Variants in EYS observed in about 807,000 individuals in gnomAD.
EYS encodes EGF-like photoreceptor maintenance factor, also known as protein eyes shut homolog.
Under a neutral mutation model 282.1 loss-of-function variants are expected in EYS, and 250 were observed. The observed-to-expected ratio is 0.89, with a 90% CI of 0.80 to 0.98. EYS has a LOEUF of 0.98. EYS is among the 50% of genes least tolerant of loss of function. EYS has a pLI of 0.00. For missense variants in EYS, 4,016 were observed against 3,709.0 expected (o/e 1.08, Z -2.15); for synonymous variants, 1,355 against 1,282.9 (o/e 1.06, Z -1.20).
At chr6:65,455,390 T>A (rs987742889) in intron 5 of EYS, among the ~76,000 whole-genome samples, 1 of 152,272 alleles carries the variant, frequency 6.6e-6, no homozygotes, top group East Asian at 1.9e-4. Flanking sequence ...CCAACAGTTT[T>A]TCTTGATAGA....
intron 24 of EYS, among the ~76,000 whole-genome samples, chr6:64,616,788 G>A (rs1767287329): frequency 6.6e-6 from 1 of 152,046 alleles, no homozygotes; most frequent in South Asian, 2.1e-4. Flanking sequence ...TTTCAGTGAA[G>A]GCTGGTCTAA....
At chr6:64,992,828 A>G (rs1771111847) in intron 14 of EYS, among the ~76,000 whole-genome samples, 1 of 151,968 alleles carries the variant, frequency 6.6e-6, no homozygotes, top group Non-Finnish European at 1.5e-5. Context: ...GAGCAGTTGG[A>G]TTGATTCCGC....
At chr6:64,039,419 A>G (rs1280658438) in intron 33 of EYS, among the ~76,000 whole-genome samples, 1 of 152,224 alleles carries the variant, frequency 6.6e-6, no homozygotes, top group Non-Finnish European at 1.5e-5. Context: ...TAGAAGCGGT[A>G]TAGTACGAGT....
At chr6:64,613,036 A>C (rs1036711838) in intron 24 of EYS, among the ~76,000 whole-genome samples, 13 of 152,164 alleles carry the variant, frequency 8.5e-5, no homozygotes, top group African/African-American at 2.9e-4. Context: ...ATGTTCAATT[A>C]AAAATTCAAT....
chr6:63,943,786 C>T (rs1765310067), intron 35 of EYS, among the ~76,000 whole-genome samples: 1 of 152,238 alleles, frequency 6.6e-6, no homozygotes, highest in Non-Finnish European at 1.5e-5. Context: ...TTACTATTCT[C>T]TCCATGGATG....
At chr6:64,907,569 G>T (rs1767869602) in intron 16 of EYS, among the ~76,000 whole-genome samples, 1 of 152,182 alleles carries the variant, frequency 6.6e-6, no homozygotes, top group African/African-American at 2.4e-5. Context: ...ATTGAAGAAA[G>T]AACTGTAAGT....
chr6:63,776,034 C>T (rs944981066), intron 40 of EYS, among the ~76,000 whole-genome samples: 9 of 152,058 alleles, frequency 5.9e-5, no homozygotes, highest in Non-Finnish European at 5.9e-5. Context: ...TTTTTAGAAT[C>T]CTGTAAGGAA....
At chr6:65,582,860 T>C (rs1215234393) in intron 2 of EYS, among the ~76,000 whole-genome samples, 1 of 152,122 alleles carries the variant, frequency 6.6e-6, no homozygotes, top group African/African-American at 2.4e-5. Flanking sequence ...ATTTTTTGTT[T>C]TGTTTTTTGA....
Position 64,671,740 on chromosome 6 carries a change from C to A in EYS, c.3444-45495G>T, listed in dbSNP as rs73440806. Among the ~76,000 whole-genome samples, 986 of 151,780 alleles carry A rather than the reference C, an allele frequency of 6.5e-3. 6 individuals carry two copies. Among genetic ancestry groups the A allele is most frequent in the African/African-American group, 0.019 (799 of 41,362 alleles). Reference sequence around the variant, plus strand: ...TATTATAATAGAATTTAAAAAAAAACCAAACATAGTTTTAGAAGAGGGAGA... The same window carrying A: ...TATTATAATAGAATTTAAAAAAAAAACAAACATAGTTTTAGAAGAGGGAGA... On this transcript the variant is annotated intron_variant, in intron 22 of 42. Transcript: ENST00000503581.
chr6:63,910,170 T>A (rs1773880027), intron 35 of EYS, among the ~76,000 whole-genome samples: 1 of 152,056 alleles, frequency 6.6e-6, no homozygotes, highest in Non-Finnish European at 1.5e-5. Flanking sequence ...AATTAAGCAA[T>A]AGCAGGAATA....
At chr6:64,874,659 T>C (rs867833926) in intron 19 of EYS, among the ~76,000 whole-genome samples, 1 of 152,136 alleles carries the variant, frequency 6.6e-6, no homozygotes, top group East Asian at 1.9e-4. Context: ...AATCTTATTA[T>C]GGTTACTATT....
At chr6:65,701,636 T>C (rs1769678957) in intron 1 of EYS, among the ~76,000 whole-genome samples, 1 of 152,308 alleles carries the variant, frequency 6.6e-6, no homozygotes, top group Admixed American at 6.5e-5. Context: ...GGATAGCTTT[T>C]ATTATTTATT....
chr6:65,602,568 A>G (rs889435317), intron 2 of EYS, among the ~76,000 whole-genome samples: 9 of 152,134 alleles, frequency 5.9e-5, no homozygotes, highest in African/African-American at 1.9e-4. Flanking sequence ...TCTTGGAAGC[A>G]AGAACACATG....
intron 30 of EYS, among the ~76,000 whole-genome samples, chr6:64,236,084 G>A (rs929657407): frequency 6.6e-6 from 1 of 152,234 alleles, no homozygotes; most frequent in East Asian, 1.9e-4. Context: ...ATAAAATACT[G>A]GCAAATCGAA....
chr6:64,927,530 C>T (rs191739881), intron 15 of EYS, among the ~76,000 whole-genome samples: 2 of 151,914 alleles, frequency 1.3e-5, no homozygotes, highest in African/African-American at 4.8e-5. Context: ...GTCAAAACTC[C>T]CCAGCATAAG....
intron 2 of EYS, among the ~76,000 whole-genome samples, chr6:65,569,076 C>T (rs961924933): frequency 2.0e-5 from 3 of 152,140 alleles, no homozygotes; most frequent in Non-Finnish European, 4.4e-5. Flanking sequence ...ATGTATACAT[C>T]CAGATGGCCT....
chr6:64,591,333 C>G lies in EYS; in HGVS notation c.4534G>C (p.Ala1512Pro). The G allele has an allele frequency of 6.4e-7, 1 of 1,551,300 alleles. No individual in the cohort carries two copies. The highest frequency in any genetic ancestry group is 1.2e-5 in the South Asian group (1 of 84,056). ...SKQVTILNSS[A>P]LHRFSTKAFN... ...GCTTTTGTACTGAACCGGTGCAGAG[C>G]TGATGAGTTTAAGATGGTTACCTGT... The change falls in exon 26 of 43, where the codon GCT (alanine) becomes CCT (proline). Residue 1512 changes from alanine (A) to proline (P), a missense_variant. By Grantham distance (27) the Ala-to-Pro change is conservative. Coordinates refer to ENST00000503581, the MANE Select transcript of EYS (RefSeq NM_001142800.2).
chr6:64,001,033 C>T (rs1397352865), intron 33 of EYS, among the ~76,000 whole-genome samples: 2 of 152,174 alleles, frequency 1.3e-5, no homozygotes, highest in Non-Finnish European at 2.9e-5. Flanking sequence ...AGCCTAAGAG[C>T]ATATCCCTTA....
intron 32 of EYS, among the ~76,000 whole-genome samples, chr6:64,069,402 ACTTTT>A (rs1481430809): frequency 3.3e-5 from 5 of 151,864 alleles, no homozygotes; most frequent in East Asian, 1.9e-4. Context: ...TCCATTCCCT[ACTTTT>A]CTTCTATTGT....
Sources: allele counts gnomAD v4.1 joint callset (sites outside exome capture counted in the v4.1 genomes callset), GRCh38; gene constraint gnomAD v4.1.1; transcripts MANE v1.5; gene names NCBI Gene and HGNC (gene_info 2026-07-23, HGNC 2026-07-21).